Variants in RPH3A observed in about 807,000 individuals in gnomAD.
The protein encoded by RPH3A is rabphilin 3A.
RPH3A carries 48 observed loss-of-function variants against 102.2 expected under a neutral mutation model. The ratio of observed to expected loss-of-function variants is 0.47; its 90% CI spans 0.37 to 0.60. RPH3A has a LOEUF of 0.60. Among genes scored for constraint, RPH3A ranks in the 20% least tolerant of loss-of-function variants. The pLI is 0.00. For synonymous variants in RPH3A, 310 were observed against 324.3 expected (o/e 0.96, Z 0.47); for missense variants, 781 against 910.1 (o/e 0.86, Z 1.83).
intron 2 of RPH3A, among the ~76,000 whole-genome samples, chr12:112,808,478 A>G (rs917432093): frequency 3.3e-5 from 5 of 152,188 alleles, no homozygotes; most frequent in African/African-American, 1.2e-4. Flanking sequence ...GTGGTGGATT[A>G]TTTTTTAAAA....
At chr12:112,584,013 A>G (rs890434153) in intron 1 of RPH3A, among the ~76,000 whole-genome samples, 14 of 152,158 alleles carry the variant, frequency 9.2e-5, no homozygotes, top group Non-Finnish European at 1.5e-4. Context: ...CATAAATTAA[A>G]GGGCTAAATT....
intron 1 of RPH3A, among the ~76,000 whole-genome samples, chr12:112,728,129 G>C (rs903719637): frequency 2.0e-5 from 3 of 152,196 alleles, no homozygotes; most frequent in Non-Finnish European, 4.4e-5. Flanking sequence ...GGTGGGTGCT[G>C]TGTGTGGATT....
intron 1 of RPH3A, among the ~76,000 whole-genome samples, chr12:112,695,349 T>G (rs1330874670): frequency 6.6e-6 from 1 of 152,110 alleles, no homozygotes; most frequent in East Asian, 1.9e-4. Flanking sequence ...GGTTAACAGT[T>G]TTGAAGGAGG....
At chr12:112,577,854 T>A (rs879842443) in intron 1 of RPH3A, among the ~76,000 whole-genome samples, 2 of 152,038 alleles carry the variant, frequency 1.3e-5, no homozygotes, top group African/African-American at 2.4e-5. Flanking sequence ...AGGCTTCAAG[T>A]TTTTTGGGAG....
At chr12:112,719,095 G>A (rs12426267) in intron 1 of RPH3A, among the ~76,000 whole-genome samples, 35,485 of 151,974 alleles carry the variant, frequency 0.23, 4,523 homozygotes, top group South Asian at 0.36. Context: ...CTGGCATATG[G>A]TGGGTAGAAG....
intron 2 of RPH3A, among the ~76,000 whole-genome samples, chr12:112,815,294 C>T (rs1327247166): frequency 1.3e-5 from 2 of 152,196 alleles, no homozygotes; most frequent in East Asian, 3.8e-4. Flanking sequence ...CATGACGCTG[C>T]CATTATGCAA....
intron 1 of RPH3A, among the ~76,000 whole-genome samples, chr12:112,753,366 C>T (rs1336377340): frequency 1.3e-5 from 2 of 152,170 alleles, no homozygotes; most frequent in Non-Finnish European, 2.9e-5. Context: ...CTGTGCTGGG[C>T]TCTTCTGGGC....
chr12:112,736,090 T>G (rs1310990660), intron 1 of RPH3A, among the ~76,000 whole-genome samples: 1 of 152,186 alleles, frequency 6.6e-6, no homozygotes, highest in Non-Finnish European at 1.5e-5. Context: ...AAATTTGTCT[T>G]GACTTTGACT....
chr12:112,607,434 C>T lies in RPH3A; in HGVS notation c.-140+32115C>T, dbSNP rs7310923. Among the ~76,000 whole-genome samples, 614 of 152,204 alleles carry T rather than the reference C, an allele frequency of 4.0e-3. 2 individuals carry two copies. The highest frequency in any genetic ancestry group is 0.013 in the African/African-American group (538 of 41,520). On this transcript the variant is annotated intron_variant, in intron 1 of 21. Coordinates refer to the RPH3A transcript ENST00000543106. ...CAATATATTTATGTACATAATTACC[C>T]GTTTTTTTCCTTTGCAATCTAAAAG...
chr12:112,855,477 A>G (rs1199600529), intron 5 of RPH3A, among the ~76,000 whole-genome samples: 1 of 152,174 alleles, frequency 6.6e-6, no homozygotes, highest in Non-Finnish European at 1.5e-5. Context: ...CCGACTCTGA[A>G]CCAAGGTGAC....
chr12:112,604,152 G>A (rs2039577579), intron 1 of RPH3A, among the ~76,000 whole-genome samples: 1 of 152,156 alleles, frequency 6.6e-6, no homozygotes, highest in Non-Finnish European at 1.5e-5. Flanking sequence ...CACACAGCTG[G>A]TAAAGTGGCA....
intron 19 of RPH3A, 97 bp downstream of exon 19, chr12:112,891,100 G>A: frequency 7.2e-7 from 1 of 1,391,480 alleles, no homozygotes; most frequent in African/African-American, 1.4e-5. Flanking sequence ...GTTGTACACT[G>A]AGACCCAGAG....
chr12:112,879,270 G>T, intron 14 of RPH3A, 72 bp downstream of exon 14: 1 of 1,276,512 alleles, frequency 7.8e-7, no homozygotes, highest in Non-Finnish European at 1.1e-6. Context: ...GATGGGGATG[G>T]ATGACCAGGC....
chr12:112,761,088 C>T (rs1369910238), intron 1 of RPH3A, among the ~76,000 whole-genome samples: 1 of 152,038 alleles, frequency 6.6e-6, no homozygotes, highest in African/African-American at 2.4e-5. Flanking sequence ...GTATGAGGAA[C>T]CTTGGAATCT....
chr12:112,772,283 T>A (rs2040931958), intron 1 of RPH3A, among the ~76,000 whole-genome samples: 2 of 152,212 alleles, frequency 1.3e-5, no homozygotes, highest in South Asian at 4.1e-4. Context: ...GATGAGTTGC[T>A]GATGACATTA....
At chr12:112,647,837 TG>T (rs1018821366) in intron 1 of RPH3A, among the ~76,000 whole-genome samples, 4 of 152,108 alleles carry the variant, frequency 2.6e-5, no homozygotes, top group Non-Finnish European at 5.9e-5. Flanking sequence ...ACAGAGTAAG[TG>T]GGAAAAAGCT....
At chr12:112,598,657 T>C (rs919417866) in intron 1 of RPH3A, among the ~76,000 whole-genome samples, 2 of 151,766 alleles carry the variant, frequency 1.3e-5, no homozygotes, top group Non-Finnish European at 2.9e-5. Context: ...ATAAGTGAAG[T>C]GGGAGGATGA....
intron 1 of RPH3A, among the ~76,000 whole-genome samples, chr12:112,614,618 G>T (rs899373246): frequency 5.1e-5 from 7 of 137,172 alleles, no homozygotes; most frequent in African/African-American, 1.9e-4. Flanking sequence ...AGCCCGGGAA[G>T]TCCAGGCTGC....
At chr12:112,692,922 C>T (rs879446035) in intron 1 of RPH3A, among the ~76,000 whole-genome samples, 3 of 152,092 alleles carry the variant, frequency 2.0e-5, no homozygotes, top group Admixed American at 1.3e-4. Flanking sequence ...CTCCTGCCCC[C>T]GATGCTGATG....
Sources: allele counts gnomAD v4.1 joint callset (sites outside exome capture counted in the v4.1 genomes callset), GRCh38; gene constraint gnomAD v4.1.1; transcripts MANE v1.5; gene names NCBI Gene and HGNC (gene_info 2026-07-23, HGNC 2026-07-21).